Variants in ANKS6 observed in about 807,000 individuals in gnomAD.
ANKS6 encodes the protein ankyrin repeat and sterile alpha motif domain containing 6.
In ANKS6, 47 loss-of-function variants were observed where a neutral mutation model predicts 77.9. That is an observed-to-expected ratio of 0.60 (90% CI 0.48 to 0.77). The LOEUF is 0.77. Ranked by LOEUF, ANKS6 falls within the 30% of genes least tolerant of loss-of-function variation. ANKS6 has a pLI of 0.00. For missense variants in ANKS6, 1,150 were observed against 1,159.1 expected, an observed-to-expected ratio of 0.99 and a Z score of 0.11; for synonymous variants, 488 against 501.7, an observed-to-expected ratio of 0.97 and a Z score of 0.37.
intron 14 of ANKS6, among the ~76,000 whole-genome samples, chr9:98,742,388 T>C (rs974533201): frequency 6.6e-6 from 1 of 152,238 alleles, no homozygotes; most frequent in African/African-American, 2.4e-5. Context: ...AGGAGCTCTT[T>C]GCACATCTAA....
chr9:98,734,520 C>T lies in ANKS6; in HGVS notation c.*1999G>A. The T allele has an allele frequency of 2.0e-6, 2 of 985,412 alleles. No homozygotes were observed. Among genetic ancestry groups the T allele is most frequent in the Non-Finnish European group, 2.4e-6 (2 of 829,924 alleles). 61.0% of individuals were successfully genotyped at this position (985,412 alleles called of 1,614,324 possible). A position where few individuals can be genotyped will look rare whatever the true frequency, so the allele number is the denominator to read the frequency against. ...CTAGGCCTACTGTTAACCCCTGAAGCCATCAGTAAATTAAAACAAGAATCA... is the reference window on the plus strand; with the variant it reads ...CTAGGCCTACTGTTAACCCCTGAAGTCATCAGTAAATTAAAACAAGAATCA... On this transcript the variant is annotated 3_prime_UTR_variant, in exon 15 of 15. Transcript: ENST00000353234.
chr9:98,744,334 T>C (rs1832004125), intron 14 of ANKS6, among the ~76,000 whole-genome samples: 1 of 152,140 alleles, frequency 6.6e-6, no homozygotes, highest in Non-Finnish European at 1.5e-5. Flanking sequence ...AGGAGCCGCC[T>C]CTGCACAGCA....
chr9:98,735,632 G>C lies in ANKS6; in HGVS notation c.*887C>G. ...TTCCACTTTCAGTGCAGAAAGCCCT[G>C]CAGTGATACAGGTGAGCACTGTGGA... On this transcript the variant is annotated 3_prime_UTR_variant, in exon 15 of 15. Transcript: ENST00000353234. The C allele has an allele frequency of 2.4e-6, 3 of 1,231,728 alleles. No individual in the cohort carries two copies. Among genetic ancestry groups the C allele is most frequent in the Non-Finnish European group, 3.0e-6 (3 of 987,970 alleles). The allele number at this position is 1,231,728 out of a possible 1,614,324, so 76.3% of individuals were successfully genotyped here.
chr9:98,736,036 C>A lies in ANKS6; in HGVS notation c.*483G>T. Reference sequence around the variant, plus strand: ...AAGTCAAAAGTTGTTGCTGGGAAGCCACTATGTGGAGACTGCACATCCTGG... The same window carrying A: ...AAGTCAAAAGTTGTTGCTGGGAAGCAACTATGTGGAGACTGCACATCCTGG... On this transcript the variant is annotated 3_prime_UTR_variant, in exon 15 of 15. Coordinates refer to ENST00000353234, the MANE Select transcript of ANKS6 (RefSeq NM_173551.5). The A allele has an allele frequency of 8.4e-7, 1 of 1,197,098 alleles. No individual in the cohort carries two copies. The highest frequency in any genetic ancestry group is 1.0e-6 in the Non-Finnish European group (1 of 966,578). 74.2% of individuals were successfully genotyped at this position (1,197,098 alleles called of 1,614,324 possible).
Position 98,760,820 on chromosome 9 carries a change from T to C in ANKS6, c.2143-4217A>G, listed in dbSNP as rs1564193902. On this transcript the variant is annotated intron_variant, in intron 11 of 14. Transcript: ENST00000353234. ...CACCTGTTGAAGAACATTTGGGATG[T>C]TTCCAGTTTGGGGTGATTATTTTTT... Among the ~76,000 whole-genome samples, 4 of 152,254 alleles carry C rather than the reference T, an allele frequency of 2.6e-5. No homozygotes were observed. The South Asian group carries it at 8.3e-4, about 31-fold the overall frequency.
intron 6 of ANKS6, among the ~76,000 whole-genome samples, chr9:98,779,634 C>T (rs968511530): frequency 9.9e-5 from 15 of 151,988 alleles, no homozygotes; most frequent in African/African-American, 3.6e-4. Context: ...GTGATCTCAG[C>T]TCACTGCAAC....
chr9:98,786,922 T>G (rs560934637), intron 2 of ANKS6, among the ~76,000 whole-genome samples: 1 of 152,266 alleles, frequency 6.6e-6, no homozygotes, highest in African/African-American at 2.4e-5. Context: ...CCTTCCTCGC[T>G]TTGGGCTTCA....
chr9:98,736,714 A>G, intron 14 of ANKS6, 91 bp from the exon 15 acceptor site: 1 of 1,462,712 alleles, frequency 6.8e-7, no homozygotes, highest in Non-Finnish European at 9.3e-7. Flanking sequence ...TGTTCAACTC[A>G]TACTTCAAAA....
rs1488091700 is a variant in ANKS6, at chr9:98,751,060, T to G, written c.2363A>C (p.Glu788Ala). 6 of 1,610,978 alleles carry G rather than the reference T, an allele frequency of 3.7e-6. No individual in the cohort carries two copies. Among genetic ancestry groups the G allele is most frequent in the Non-Finnish European group, 5.1e-6 (6 of 1,178,918 alleles). Residue 788 changes from glutamate to alanine, a missense_variant, in exon 13 of 15, where the codon GAG (glutamate) becomes GCG (alanine). Coordinates refer to ENST00000353234, the MANE Select transcript of ANKS6 (RefSeq NM_173551.5). The part of the protein sequence containing the change: ...LTGILKKLSL[E>A]KYQPIFEEQE... Reference sequence around the variant, plus strand: ...TTCCTCAAAAATGGGCTGATATTTCTCAAGTGATAATTTCTTAAGGATTCC... The same window carrying G: ...TTCCTCAAAAATGGGCTGATATTTCGCAAGTGATAATTTCTTAAGGATTCC...
intron 12 of ANKS6, among the ~76,000 whole-genome samples, chr9:98,755,741 T>A (rs370257925): frequency 6.6e-6 from 1 of 152,220 alleles, no homozygotes; most frequent in Non-Finnish European, 1.5e-5. Context: ...CGAAGGGGCA[T>A]GGCCAATCAC....
intron 9 of ANKS6, among the ~76,000 whole-genome samples, chr9:98,772,235 T>A (rs920960838): frequency 2.0e-5 from 3 of 152,166 alleles, no homozygotes; most frequent in African/African-American, 7.2e-5. Context: ...TGCAATCACA[T>A]GTATCTTTAT....
intron 8 of ANKS6, among the ~76,000 whole-genome samples, chr9:98,776,314 T>C (rs1246385434): frequency 1.3e-5 from 2 of 152,134 alleles, no homozygotes; most frequent in African/African-American, 4.8e-5. Flanking sequence ...CTAATGTTCA[T>C]TTAGATGGGC....
At chr9:98,760,549 A>G (rs1195809497) in intron 11 of ANKS6, among the ~76,000 whole-genome samples, 1 of 152,222 alleles carries the variant, frequency 6.6e-6, no homozygotes, top group African/African-American at 2.4e-5. Flanking sequence ...GAATTGTATG[A>G]CAGGAAACTG....
In ANKS6 at chr9:98,778,388, G is replaced by C. The variant is rs987008617; in HGVS notation, c.1405C>G (p.Leu469Val). 1.9e-6 allele frequency: 3 copies of C among 1,614,060 alleles called. No homozygotes were observed. Among genetic ancestry groups the C allele is most frequent in the African/African-American group, 1.3e-5 (1 of 74,920 alleles). ...CGGGGCAGCGTCTGCATCAGTTTGA[G>C]CTTTCGGAACCGATTGGACATTCGG... Reference protein sequence around the residue: ...WNRMSNRFRKLKLMQTLPRGL... With the variant: ...WNRMSNRFRKVKLMQTLPRGL... The change falls in exon 7 of 15, where the codon CTC becomes GTC. Residue 469 changes from leucine to valine, a missense_variant. Physicochemically the swap from Leu to Val is conservative, Grantham distance 32. Transcript: ENST00000353234.
intron 1 of ANKS6, among the ~76,000 whole-genome samples, chr9:98,794,735 G>C (rs4742742): frequency 0.96 from 146,221 of 152,242 alleles, 70,466 homozygotes; most frequent in African/African-American, 0.99. Context: ...CAGGGCCCCT[G>C]TGCACGCACT....
Position 98,796,431 on chromosome 9 carries a change from C to A in ANKS6, c.61G>T (p.Asp21Tyr). The change falls in exon 1 of 15, where the codon GAC (aspartate) becomes TAC (tyrosine). Residue 21 changes from aspartate to tyrosine, a missense_variant. Physicochemically the swap from Asp to Tyr is radical, Grantham distance 160. Coordinates refer to ENST00000353234, the MANE Select transcript of ANKS6 (RefSeq NM_173551.5). Reference protein sequence around the residue: ...QLLLRACDQGDTETARRLLEP... With the variant: ...QLLLRACDQGYTETARRLLEP... ...AGCAGCCGCCGCGCCGTCTCCGTGT[C>A]GCCCTGGTCACACGCGCGCAGCAGC... 1.0e-6 allele frequency: 1 copy of A among 995,360 alleles called. No homozygotes were observed. Among genetic ancestry groups the A allele is most frequent in the Admixed American group, 6.1e-5 (1 of 16,312 alleles). The allele number at this position is 995,360 out of a possible 1,614,324, so 61.7% of individuals were successfully genotyped here.
At chr9:98,736,685 A>G (rs1334150623) in intron 14 of ANKS6, 62 bp from the exon 15 acceptor site, 1 of 1,526,210 alleles carries the variant, frequency 6.6e-7, no homozygotes, top group Non-Finnish European at 8.9e-7. Context: ...CATTAATTCA[A>G]TTGACACAGT....
rs1325495896 is a variant in ANKS6 at position 98,796,079 on chromosome 9, G to C, written c.359+54C>G. Reference sequence around the variant, plus strand: ...ATCCGGCCGCCGGGGACCGCGTCTCGGGCCAGCGCCGGGCACCACTCTGGT... The same window carrying C: ...ATCCGGCCGCCGGGGACCGCGTCTCCGGCCAGCGCCGGGCACCACTCTGGT... On this transcript the variant is annotated intron_variant, in intron 1 of 14. Coordinates refer to ENST00000353234, the MANE Select transcript of ANKS6 (RefSeq NM_173551.5). The C allele has an allele frequency of 4.7e-6, 6 of 1,268,870 alleles. No homozygotes were observed. The African/African-American group carries it at 7.8e-5, about 16-fold the overall frequency. 78.6% of individuals were successfully genotyped at this position (1,268,870 alleles called of 1,614,324 possible).
intron 8 of ANKS6, among the ~76,000 whole-genome samples, chr9:98,774,327 A>C (rs1833805306): frequency 6.6e-6 from 1 of 152,188 alleles, no homozygotes; most frequent in Admixed American, 6.5e-5. Context: ...GGGGCAGAGG[A>C]GACAGAGCGC....
Sources: allele counts gnomAD v4.1 joint callset (sites outside exome capture counted in the v4.1 genomes callset), GRCh38; gene constraint gnomAD v4.1.1; transcripts MANE v1.5; gene names NCBI Gene and HGNC (gene_info 2026-07-23, HGNC 2026-07-21).